The following CSMD1 variants were observed in gnomAD, a reference collection of about 807,000 sequenced individuals.
The protein encoded by CSMD1 is CUB and sushi domain-containing protein 1.
A neutral mutation model predicts 417.5 loss-of-function variants in CSMD1; 213 were observed. The ratio of observed to expected loss-of-function variants is 0.51; its 90% confidence interval spans 0.46 to 0.57. CSMD1 has a LOEUF of 0.57. Among genes scored for constraint, CSMD1 ranks in the 20% least tolerant of loss-of-function variants. The probability of loss-of-function intolerance (pLI) is 0.00; values close to 1 mark genes in which losing one functional copy is unlikely to be tolerated. For synonymous variants in CSMD1, 2,862 were observed against 1,736.8 expected (o/e 1.65, Z -16.11); for missense variants, 6,923 against 4,529.7 (o/e 1.53, Z -15.17).
At chr8:3,854,763 A>G (rs1325258440) in intron 5 of CSMD1, among the ~76,000 whole-genome samples, 1 of 151,892 alleles carries the variant, frequency 6.6e-6, no homozygotes, top group Non-Finnish European at 1.5e-5. Context: ...GAAAAAAAAA[A>G]GATCGATTAA....
chr8:3,256,442 G>C (rs964335069), intron 26 of CSMD1, among the ~76,000 whole-genome samples: 2 of 152,074 alleles, frequency 1.3e-5, no homozygotes, highest in African/African-American at 4.8e-5. Flanking sequence ...TAAGTTCATT[G>C]TCCCCTTCTC....
chr8:3,390,594 C>A (rs967566792), intron 17 of CSMD1, among the ~76,000 whole-genome samples: 2 of 151,974 alleles, frequency 1.3e-5, no homozygotes, highest in African/African-American at 4.8e-5. Flanking sequence ...TCTGTTCCCA[C>A]TCCTTCTTAC....
chr8:4,082,773 C>A (rs995663614), intron 3 of CSMD1, among the ~76,000 whole-genome samples: 15 of 115,676 alleles, frequency 1.3e-4, no homozygotes, highest in Non-Finnish European at 2.5e-4. Flanking sequence ...CCTCCCCCCA[C>A]CCCACAACAG....
intron 41 of CSMD1, among the ~76,000 whole-genome samples, chr8:3,120,996 AT>A (rs148040084): frequency 0.048 from 7,235 of 152,190 alleles, 503 homozygotes; most frequent in African/African-American, 0.16. Flanking sequence ...ATTTACAGAA[AT>A]CTCTATTATG....
chr8:4,275,772 A>G (rs1366988647), intron 3 of CSMD1, among the ~76,000 whole-genome samples: 4 of 152,218 alleles, frequency 2.6e-5, no homozygotes, highest in Non-Finnish European at 5.9e-5. Flanking sequence ...GTCACAGAAT[A>G]AAAACTCTAA....
intron 5 of CSMD1, among the ~76,000 whole-genome samples, chr8:3,858,174 G>C (rs1804446807): frequency 2.0e-5 from 3 of 152,148 alleles, no homozygotes; most frequent in Non-Finnish European, 4.4e-5. Context: ...TGTCAATTAA[G>C]TAATTTTTTG....
At chr8:3,858,217 C>G (rs550115849) in intron 5 of CSMD1, among the ~76,000 whole-genome samples, 7 of 152,082 alleles carry the variant, frequency 4.6e-5, no homozygotes, top group Non-Finnish European at 1.0e-4. Context: ...AATCATAATT[C>G]AAAGTAAAAG....
At chr8:4,455,929 CAAAAAAAAAAAAAAAAAAA>C (rs71207091) in intron 2 of CSMD1, among the ~76,000 whole-genome samples, 1,771 of 11,884 alleles carry the variant, frequency 0.15, 177 homozygotes, top group African/African-American at 0.29. Flanking sequence ...ACTCCAACTC[CAAAAAAAAAAAAAAAAAAA>C]AAAAAAAAAA....
At chr8:4,074,211 C>G (rs1863477) in intron 3 of CSMD1, among the ~76,000 whole-genome samples, 15,369 of 151,898 alleles carry the variant, frequency 0.1, 891 homozygotes, top group Middle Eastern at 0.14. Context: ...AAATTGTACA[C>G]AAATTATACA....
intron 49 of CSMD1, among the ~76,000 whole-genome samples, chr8:3,054,859 G>C (rs1397828001): frequency 6.6e-6 from 1 of 152,166 alleles, no homozygotes; most frequent in African/African-American, 2.4e-5. Flanking sequence ...GGAAGCAACA[G>C]ATCTGTGGGA....
chr8:4,958,663 T>A (rs1809279600), intron 1 of CSMD1, among the ~76,000 whole-genome samples: 1 of 152,202 alleles, frequency 6.6e-6, no homozygotes, highest in African/African-American at 2.4e-5. Context: ...TCTGGTTTTG[T>A]GAGTTACCAT....
intron 41 of CSMD1, among the ~76,000 whole-genome samples, chr8:3,119,408 A>AC (rs1246006698): frequency 7.4e-6 from 1 of 134,718 alleles, no homozygotes; most frequent in Non-Finnish European, 1.5e-5. Flanking sequence ...AAAAAAAAAA[A>AC]AAAACACTGT....
intron 6 of CSMD1, among the ~76,000 whole-genome samples, chr8:3,737,021 G>C (rs911631495): frequency 5.3e-5 from 8 of 152,144 alleles, no homozygotes; most frequent in African/African-American, 1.9e-4. Context: ...CACGACTGTG[G>C]TTACATGATT....
intron 6 of CSMD1, among the ~76,000 whole-genome samples, chr8:3,729,572 G>A (rs78587817): frequency 0.036 from 5,500 of 152,200 alleles, 379 homozygotes; most frequent in African/African-American, 0.13. Flanking sequence ...TATCGGGTCA[G>A]TAAGACTTCA....
chr8:4,773,433 G>C (rs554256409), intron 1 of CSMD1, among the ~76,000 whole-genome samples: 57 of 152,276 alleles, frequency 3.7e-4, no homozygotes, highest in African/African-American at 1.3e-3. Context: ...ACGTATCGCT[G>C]TTTGGGGGAG....
At chr8:3,447,870 C>T (rs1175732091) in intron 12 of CSMD1, among the ~76,000 whole-genome samples, 1 of 152,084 alleles carries the variant, frequency 6.6e-6, no homozygotes, top group Non-Finnish European at 1.5e-5. Context: ...ACTCTTCGTT[C>T]CTCAAGGCCA....
intron 3 of CSMD1, among the ~76,000 whole-genome samples, chr8:4,139,411 A>G (rs1029662041): frequency 1.3e-5 from 2 of 152,070 alleles, no homozygotes; most frequent in Non-Finnish European, 2.9e-5. Flanking sequence ...TTGCTGTGCT[A>G]AGCACTGGAG....
intron 7 of CSMD1, among the ~76,000 whole-genome samples, chr8:3,674,657 A>C (rs1799279361): frequency 1.3e-5 from 2 of 152,072 alleles, no homozygotes; most frequent in African/African-American, 2.4e-5. Context: ...GTCAAAAAGG[A>C]CTTGATTTTT....
intron 2 of CSMD1, among the ~76,000 whole-genome samples, chr8:4,481,217 C>G (rs995098115): frequency 2.6e-5 from 4 of 152,238 alleles, no homozygotes; most frequent in African/African-American, 9.6e-5. Flanking sequence ...ACCTTCCTAT[C>G]AGCAGACCTA....
Sources: gnomAD v4.1 joint callset for allele counts (sites outside exome capture counted in the v4.1 genomes callset) on GRCh38, gnomAD v4.1.1 for gene constraint, MANE v1.5 for transcripts, NCBI Gene and HGNC (gene_info 2026-07-23, HGNC 2026-07-21) for gene names.